Variants in LARGE1 observed in about 807,000 individuals in gnomAD.
LARGE1 encodes xylosyl- and glucuronyltransferase LARGE1.
LARGE1 carries 43 observed loss-of-function variants against 87.6 expected under a neutral mutation model. That is an observed-to-expected ratio of 0.49 (90% CI 0.38 to 0.63). LARGE1 has a LOEUF of 0.63. Among genes scored for constraint, LARGE1 ranks in the 30% least tolerant of loss-of-function variants. The pLI is 0.00. For missense variants in LARGE1, 802 were observed against 1,000.2 expected (o/e 0.80, Z 2.67); for synonymous variants, 434 against 394.6 (o/e 1.10, Z -1.18).
intron 11 of LARGE1, among the ~76,000 whole-genome samples, chr22:33,220,529 C>T (rs1168431470): frequency 2.6e-5 from 4 of 152,124 alleles, no homozygotes; most frequent in African/African-American, 9.7e-5. Context: ...GATTCTACCT[C>T]CCTCCTTTTT....
chr22:33,445,031 T>C (rs1272951464), intron 6 of LARGE1, among the ~76,000 whole-genome samples: 3 of 152,146 alleles, frequency 2.0e-5, no homozygotes, highest in Admixed American at 6.5e-5. Flanking sequence ...GGTTTCGCCA[T>C]GTCAGTCAGG....
chr22:33,850,663 C>T (rs1472983670), intron 1 of LARGE1, among the ~76,000 whole-genome samples: 1 of 152,130 alleles, frequency 6.6e-6, no homozygotes, highest in African/African-American at 2.4e-5. Flanking sequence ...GACTTTATAA[C>T]CTTATTTGGA....
At chr22:33,595,513 A>T (rs1008680840) in intron 5 of LARGE1, among the ~76,000 whole-genome samples, 6 of 152,206 alleles carry the variant, frequency 3.9e-5, no homozygotes, top group Admixed American at 6.5e-5. Flanking sequence ...CAAGTCAGCA[A>T]CCTGGAAGGC....
intron 6 of LARGE1, among the ~76,000 whole-genome samples, chr22:33,471,442 T>C (rs1472548995): frequency 1.3e-5 from 2 of 152,204 alleles, no homozygotes; most frequent in African/African-American, 2.4e-5. Flanking sequence ...TTATTATAAC[T>C]GTTGCTTTTA....
chr22:33,089,324 C>CTTCT, the LARGE1 span, among the ~76,000 whole-genome samples: 1 of 32,370 alleles, frequency 3.1e-5, no homozygotes, highest in Middle Eastern at 0.016. Context: ...TTTCTTCTTT[C>CTTCT]TTCTTCTTCT....
At chr22:33,112,204 G>C in the LARGE1 span, among the ~76,000 whole-genome samples, 2 of 152,254 alleles carry the variant, frequency 1.3e-5, no homozygotes, top group African/African-American at 4.8e-5. Context: ...CAGAGGATGG[G>C]TGGTGGCCTG....
chr22:33,462,508 C>T (rs923358528), intron 6 of LARGE1, among the ~76,000 whole-genome samples: 8 of 152,098 alleles, frequency 5.3e-5, no homozygotes, highest in East Asian at 1.9e-4. Context: ...TGAGGCTGGG[C>T]GTGGTGGCTC....
chr22:33,809,270 CA>C (rs1342499766), intron 1 of LARGE1, among the ~76,000 whole-genome samples: 16 of 147,178 alleles, frequency 1.1e-4, no homozygotes, highest in Admixed American at 2.0e-4. Context: ...GACTCCATCT[CA>C]AAAAAAAAAA....
At chr22:33,121,726 T>C in the LARGE1 span, among the ~76,000 whole-genome samples, 1 of 152,168 alleles carries the variant, frequency 6.6e-6, no homozygotes, top group Non-Finnish European at 1.5e-5. Context: ...ATGTGTGAGA[T>C]ATAAAGACAT....
intron 5 of LARGE1, among the ~76,000 whole-genome samples, chr22:33,566,499 T>C (rs532556303): frequency 6.6e-6 from 1 of 152,318 alleles, no homozygotes; most frequent in East Asian, 1.9e-4. Context: ...TTGGTCTCGC[T>C]GACTTCAAGA....
chr22:33,578,541 C>T (rs377227837), intron 5 of LARGE1, among the ~76,000 whole-genome samples: 2 of 152,126 alleles, frequency 1.3e-5, no homozygotes, highest in Non-Finnish European at 2.9e-5. Context: ...TTGTTGAATG[C>T]TTACTATGTA....
intron 1 of LARGE1, among the ~76,000 whole-genome samples, chr22:33,803,409 A>AG (rs1462581568): frequency 1.1e-4 from 17 of 152,190 alleles, no homozygotes; most frequent in Admixed American, 6.5e-5. Context: ...TGTTGTACAT[A>AG]GCTGGAATCC....
intron 10 of LARGE1, among the ~76,000 whole-genome samples, chr22:33,327,918 T>C (rs1274824498): frequency 1.3e-5 from 2 of 152,214 alleles, no homozygotes; most frequent in African/African-American, 2.4e-5. Context: ...GGACTTGTTA[T>C]AGTTCATTTG....
intron 7 of LARGE1, among the ~76,000 whole-genome samples, chr22:33,386,340 C>T (rs188683109): frequency 1.3e-5 from 2 of 149,150 alleles, no homozygotes; most frequent in East Asian, 1.9e-4. Context: ...TTCCACTCAA[C>T]CACATAGACT....
chr22:33,275,597 C>T (rs998563028), intron 14 of LARGE1, among the ~76,000 whole-genome samples: 1 of 152,176 alleles, frequency 6.6e-6, no homozygotes, highest in Non-Finnish European at 1.5e-5. Flanking sequence ...CAAAGAACCC[C>T]ACCAACCGCA....
At chr22:33,698,575 G>T (rs1039100502) in intron 2 of LARGE1, among the ~76,000 whole-genome samples, 1 of 152,208 alleles carries the variant, frequency 6.6e-6, no homozygotes, top group African/African-American at 2.4e-5. Flanking sequence ...CTCCCAAAGG[G>T]ATTATAAACG....
chr22:33,136,130 G>A, the LARGE1 span, among the ~76,000 whole-genome samples: 1 of 152,106 alleles, frequency 6.6e-6, no homozygotes, highest in Admixed American at 6.5e-5. Context: ...GACAGAATGT[G>A]GTTTGCTCTC....
intron 2 of LARGE1, chr22:33,744,411 CA>C (rs2084003477): frequency 6.6e-6 from 1 of 152,234 alleles, no homozygotes; most frequent in Non-Finnish European, 1.5e-5. Flanking sequence ...TCCCCACTCC[CA>C]GGAGGTGGAT....
At chr22:33,754,056 C>T (rs1206192736) in intron 2 of LARGE1, among the ~76,000 whole-genome samples, 1 of 151,748 alleles carries the variant, frequency 6.6e-6, no homozygotes, top group Admixed American at 6.6e-5. Flanking sequence ...AGCAAGACTC[C>T]ATCTTAAAAA....
Sources: gnomAD v4.1 joint callset for allele counts (sites outside exome capture counted in the v4.1 genomes callset) on GRCh38, gnomAD v4.1.1 for gene constraint, MANE v1.5 for transcripts, NCBI Gene and HGNC (gene_info 2026-07-23, HGNC 2026-07-21) for gene names.